Variants in PCDHGB5 observed in about 807,000 individuals in gnomAD.
The protein encoded by PCDHGB5 is protocadherin gamma-B5.
PCDHGB5 carries 48 observed loss-of-function variants against 62.9 expected under a neutral mutation model. The observed-to-expected ratio is 0.76, with a 90% CI of 0.61 to 0.97. PCDHGB5 has a LOEUF of 0.97. Ranked by LOEUF, PCDHGB5 falls within the 50% of genes least tolerant of loss-of-function variation. The probability of loss-of-function intolerance (pLI) is 0.00; values close to 1 mark genes in which losing one functional copy is unlikely to be tolerated. For missense variants in PCDHGB5, 1,118 were observed against 1,198.6 expected (o/e 0.93, Z 0.99); for synonymous variants, 474 against 511.2 (o/e 0.93, Z 0.98).
chr5:141,400,155 A>C lies in PCDHGB5; in HGVS notation c.2028A>C (p.Val676=), dbSNP rs756922498. The C allele has an allele frequency of 5.0e-6, 8 of 1,613,966 alleles. 1 individual carries two copies. The South Asian group carries it at 6.6e-5, about 13-fold the overall frequency. ...EVLPDITDRP[V]PSDPQAELQF... is the part of the protein sequence containing the mutation. ...TGCCGGATATCACTGACCGCCCTGT[A>C]CCCTCTGACCCCCAGGCTGAGCTGC... The change falls in exon 1 of 4, where the codon GTA becomes GTC. Residue 676 remains valine, a synonymous_variant. Transcript: ENST00000617380.
intron 1 of PCDHGB5, among the ~76,000 whole-genome samples, chr5:141,456,483 CTTAATA>C (rs2098861684): frequency 1.3e-5 from 2 of 152,072 alleles, no homozygotes; most frequent in African/African-American, 4.8e-5. Context: ...CAAGAGAGTG[CTTAATA>C]AAGGGGTTAA....
At chr5:141,406,173 T>C (rs1317526026) in intron 1 of PCDHGB5, among the ~76,000 whole-genome samples, 2 of 151,712 alleles carry the variant, frequency 1.3e-5, no homozygotes, top group African/African-American at 4.8e-5. Context: ...CCTGGGCTTA[T>C]GCAATCCTCC....
intron 1 of PCDHGB5, among the ~76,000 whole-genome samples, chr5:141,468,962 C>T (rs2099187487): frequency 6.7e-6 from 1 of 148,782 alleles, no homozygotes; most frequent in Non-Finnish European, 1.5e-5. Context: ...GTTTTTTTTA[C>T]CTTAGGCTTT....
rs147783721 is a variant in PCDHGB5 at position 141,404,989 on chromosome 5, G to T, written c.2397+4465G>T. ...TCCTGGCTGACCTGGGCAGTCTTCAGATCCCTGCAGACCTGGAGGCCTCAG... is the reference window on the plus strand; with the variant it reads ...TCCTGGCTGACCTGGGCAGTCTTCATATCCCTGCAGACCTGGAGGCCTCAG... On this transcript the variant is annotated intron_variant, in intron 1 of 3. Transcript: ENST00000617380. 1.6e-5 allele frequency: 26 copies of T among 1,614,046 alleles called. No individual in the cohort carries two copies. In the Admixed American group the frequency reaches 4.0e-4, roughly 25 times the overall value.
intron 1 of PCDHGB5, chr5:141,421,364 T>C (rs975166167): frequency 3.7e-6 from 6 of 1,613,994 alleles, no homozygotes; most frequent in African/African-American, 1.3e-5. Context: ...GGCTCCTTCG[T>C]GGGCAATATC....
chr5:141,443,317 CA>C (rs35054295), intron 1 of PCDHGB5, among the ~76,000 whole-genome samples: 28 of 142,048 alleles, frequency 2.0e-4, no homozygotes, highest in Non-Finnish European at 2.6e-4. Flanking sequence ...CCCATCTCTA[CA>C]AAAAAAAAAA....
At position 141,454,320 on chromosome 5, in the gene PCDHGB5, C is replaced by T. The variant is rs140074578; in HGVS notation, c.2398-40487C>T. ...CAGATATTTCAAAGCATTGAAACCTCCAAGAATAAATAAAATGTTGGAAGT... is the reference window on the plus strand; with the variant it reads ...CAGATATTTCAAAGCATTGAAACCTTCAAGAATAAATAAAATGTTGGAAGT... On this transcript the variant is annotated intron_variant, in intron 1 of 3. Coordinates refer to ENST00000617380, the MANE Select transcript of PCDHGB5 (RefSeq NM_018925.3). Among the ~76,000 whole-genome samples, 592 of 152,266 alleles carry T rather than the reference C, an allele frequency of 3.9e-3. 6 individuals are homozygous for T. Among genetic ancestry groups the T allele is most frequent in the Admixed American group, 0.011 (171 of 15,288 alleles).
intron 1 of PCDHGB5, among the ~76,000 whole-genome samples, chr5:141,433,408 A>ATCT (rs1413347413): frequency 3.1e-3 from 395 of 127,344 alleles, no homozygotes; most frequent in African/African-American, 0.011. Context: ...TCTATCTATT[A>ATCT]CTTTCTTGTA....
At chr5:141,448,480 C>A (rs889742803) in intron 1 of PCDHGB5, among the ~76,000 whole-genome samples, 1 of 152,184 alleles carries the variant, frequency 6.6e-6, no homozygotes, top group Admixed American at 6.6e-5. Flanking sequence ...ACCCTTGCTT[C>A]CTCCTGTCCC....
chr5:141,403,853 A>G (rs765359583), intron 1 of PCDHGB5: 3 of 1,613,726 alleles, frequency 1.9e-6, no homozygotes, highest in Non-Finnish European at 2.5e-6. Context: ...TACTGGGGAA[A>G]TATCAACAGC....
At chr5:141,418,901 A>G in intron 1 of PCDHGB5, 1 of 1,614,016 alleles carries the variant, frequency 6.2e-7, no homozygotes, top group East Asian at 2.2e-5. Context: ...CCCAGAAATA[A>G]TCATCACGTC....
In PCDHGB5 at chr5:141,487,829, C is replaced by T. The variant is rs528435429; in HGVS notation, c.2398-6978C>T. On this transcript the variant is annotated intron_variant, in intron 1 of 3. Transcript: ENST00000617380. The surrounding 1 kb of genome is among the most constrained non-coding windows in gnomAD (Gnocchi z 5.0). ...GTTTAGCATTGGGGGCGGGTCATGC[C>T]TATATCTGAGTAAGAAATGAAAGTA... The T allele has an allele frequency of 1.1e-4, 125 of 1,182,994 alleles. No homozygotes were observed. In the Middle Eastern group the frequency reaches 3.7e-3, roughly 35 times the overall value. 73.3% of individuals were successfully genotyped at this position (1,182,994 alleles called of 1,614,324 possible).
Position 141,487,322 on chromosome 5 carries a change from C to T in PCDHGB5, c.2398-7485C>T, listed in dbSNP as rs760334964. 7.4e-6 allele frequency: 12 copies of T among 1,614,134 alleles called. No homozygotes were observed. Among genetic ancestry groups the T allele is most frequent in the South Asian group, 3.3e-5 (3 of 91,082 alleles). ...CGTGGCACTACTCTCTAAGTGTCTT[C>T]GTGGGGCAGCCTGTGGAGTCACATG... On this transcript the variant is annotated intron_variant, in intron 1 of 3. Coordinates refer to ENST00000617380, the MANE Select transcript of PCDHGB5 (RefSeq NM_018925.3). The surrounding 1 kb of genome is among the most constrained non-coding windows in gnomAD (Gnocchi z 5.0).
chr5:141,419,834 A>C, intron 1 of PCDHGB5: 1 of 1,614,072 alleles, frequency 6.2e-7, no homozygotes, highest in Non-Finnish European at 8.5e-7. Context: ...AGCCACTGCC[A>C]CGCTGCACCT....
intron 1 of PCDHGB5, among the ~76,000 whole-genome samples, chr5:141,453,288 ATTATTTATTTAT>A (rs577328880): frequency 6.6e-6 from 1 of 151,342 alleles, no homozygotes; most frequent in African/African-American, 2.4e-5. Context: ...TAATTTTTTA[ATTATTTATTTAT>A]TTATTTATTT....
chr5:141,437,371 A>C (rs887976412), intron 1 of PCDHGB5, among the ~76,000 whole-genome samples: 1 of 152,262 alleles, frequency 6.6e-6, no homozygotes, highest in African/African-American at 2.4e-5. Context: ...GAATGTAATC[A>C]GTCAGAAGAC....
In PCDHGB5 at chr5:141,398,997, G is replaced by A; in HGVS notation, c.870G>A (p.Leu290=). 1 of 1,613,934 alleles carries A rather than the reference G, an allele frequency of 6.2e-7. No individual in the cohort carries two copies. Among genetic ancestry groups the A allele is most frequent in the Non-Finnish European group, 8.5e-7 (1 of 1,179,894 alleles). The change falls in exon 1 of 4, where the codon CTG becomes CTA. Residue 290 remains leucine, a synonymous_variant. Coordinates refer to ENST00000617380, the MANE Select transcript of PCDHGB5 (RefSeq NM_018925.3). Reference sequence around the variant, plus strand: ...ACAGAACCGGGCAAATCTTTAGTCTGAATTCAAAGAGCGGAGAAATTACCA... The same window carrying A: ...ACAGAACCGGGCAAATCTTTAGTCTAAATTCAAAGAGCGGAGAAATTACCA... The part of the protein sequence containing the change: ...SFYRTGQIFS[L]NSKSGEITTQ...
chr5:141,501,237 A>G (rs1327502244), intron 2 of PCDHGB5, among the ~76,000 whole-genome samples: 1 of 150,372 alleles, frequency 6.7e-6, no homozygotes, highest in Non-Finnish European at 1.5e-5. Flanking sequence ...CAGTTTTTTG[A>G]GCATGATGTA....
At chr5:141,404,196 C>T in intron 1 of PCDHGB5, 3 of 1,613,466 alleles carry the variant, frequency 1.9e-6, no homozygotes, top group Non-Finnish European at 1.7e-6. Context: ...CGAGAAAAAG[C>T]CTCAGAATAT....
Sources: allele counts gnomAD v4.1 joint callset (sites outside exome capture counted in the v4.1 genomes callset), GRCh38; gene constraint gnomAD v4.1.1; non-coding constraint Gnocchi (gnomAD v3.1); transcripts MANE v1.5; gene names NCBI Gene and HGNC (gene_info 2026-07-23, HGNC 2026-07-21).